SMC2: variants seen among roughly 807,000 people sequenced by gnomAD.
SMC2 encodes the protein structural maintenance of chromosomes protein 2.
Under a neutral mutation model 142.6 loss-of-function variants are expected in SMC2, and 41 were observed. That is an observed-to-expected ratio of 0.29 (90% CI 0.22 to 0.37). SMC2 has a LOEUF of 0.37. SMC2 is among the 10% of genes least tolerant of loss of function. The probability of loss-of-function intolerance (pLI) is 1.00; values close to 1 mark genes in which losing one functional copy is unlikely to be tolerated. For synonymous variants in SMC2, 463 were observed against 457.5 expected (o/e 1.01, Z -0.15); for missense variants, 1,265 against 1,373.7 (o/e 0.92, Z 1.25).
intron 16 of SMC2, among the ~76,000 whole-genome samples, chr9:104,121,573 T>G (rs1244529559): frequency 6.6e-6 from 1 of 152,224 alleles, no homozygotes; most frequent in East Asian, 1.9e-4. Context: ...AGGGACTGAT[T>G]TAAAAAGATT....
At chr9:104,096,014 A>C (rs1260073817) in intron 2 of SMC2, 134 bp from the exon 3 acceptor site, 44 of 703,984 alleles carry the variant, frequency 6.3e-5, no homozygotes, top group Non-Finnish European at 9.9e-5. Flanking sequence ...TTGCCAGAGG[A>C]TGCAGCTGCC....
Position 104,134,351 on chromosome 9 carries a change from A to G in SMC2, c.3109-64A>G, listed in dbSNP as rs993612255. On this transcript the variant is annotated intron_variant, in intron 22 of 24. Transcript: ENST00000374793. ...GACCTGCTGTGTTGCATATACATATATCAACAATTGATTCTTCTTGGAAAG... is the reference window on the plus strand; with the variant it reads ...GACCTGCTGTGTTGCATATACATATGTCAACAATTGATTCTTCTTGGAAAG... 3.9e-6 allele frequency: 5 copies of G among 1,275,944 alleles called. No individual in the cohort carries two copies. The African/African-American group carries it at 7.6e-5, about 19-fold the overall frequency. The allele number at this position is 1,275,944 out of a possible 1,614,324, so 79.0% of individuals were successfully genotyped here. A position where few individuals can be genotyped will look rare whatever the true frequency, so the allele number is the denominator to read the frequency against.
chr9:104,116,728 C>T (rs1282471959), intron 14 of SMC2, among the ~76,000 whole-genome samples: 1 of 152,158 alleles, frequency 6.6e-6, no homozygotes, highest in Non-Finnish European at 1.5e-5. Flanking sequence ...ATTAGTATTG[C>T]AGTGATGCTT....
intron 8 of SMC2, 106 bp downstream of exon 8, chr9:104,102,299 T>G (rs779703223): frequency 1.6e-5 from 17 of 1,093,140 alleles, no homozygotes; most frequent in Non-Finnish European, 2.2e-5. Flanking sequence ...CGTATTGATT[T>G]GTTAATCTTA....
At chr9:104,114,472 TTACTACATTGAAACA>T (rs1490510706) in intron 12 of SMC2, among the ~76,000 whole-genome samples, 3 of 152,342 alleles carry the variant, frequency 2.0e-5, no homozygotes, top group Admixed American at 6.5e-5. Context: ...AGAGTTGTTC[TTACTACATTGAAACA>T]TACTGAAAGA....
intron 24 of SMC2, among the ~76,000 whole-genome samples, chr9:104,138,753 G>A (rs1483851341): frequency 2.0e-5 from 3 of 152,144 alleles, no homozygotes; most frequent in African/African-American, 7.2e-5. Flanking sequence ...ATTGAATGGG[G>A]CGGCGGGGCA....
intron 9 of SMC2, among the ~76,000 whole-genome samples, chr9:104,102,914 T>C (rs1333186462): frequency 6.6e-6 from 1 of 152,116 alleles, no homozygotes; most frequent in Admixed American, 6.5e-5. Flanking sequence ...AAGTGGAGAA[T>C]AGGAAGAACG....
rs529354304 is a variant in SMC2, at chr9:104,094,856, T to G, written c.-62+379T>G. 157 of 168,106 alleles carry G rather than the reference T, an allele frequency of 9.3e-4. 1 individual carries two copies. The highest frequency in any genetic ancestry group is 3.7e-3 in the African/African-American group (153 of 41,630). The allele number at this position is 168,106 out of a possible 1,614,324, so 10.4% of individuals were successfully genotyped here. Reference sequence around the variant, plus strand: ...ACAGACAAGTAATGACCGTCTAATATCAGCTTTAAGTACCATGAAGGAAAA... The same window carrying G: ...ACAGACAAGTAATGACCGTCTAATAGCAGCTTTAAGTACCATGAAGGAAAA... On this transcript the variant is annotated intron_variant, in intron 1 of 24. Transcript: ENST00000374793.
At chr9:104,109,788 A>C (rs1832223889) in intron 9 of SMC2, among the ~76,000 whole-genome samples, 1 of 152,190 alleles carries the variant, frequency 6.6e-6, no homozygotes, top group Admixed American at 6.5e-5. Context: ...AAATGCACAA[A>C]ATATATTTAG....
chr9:104,099,938 T>C (rs1830923437), intron 5 of SMC2, among the ~76,000 whole-genome samples, 155 bp from the exon 6 acceptor site: 1 of 152,084 alleles, frequency 6.6e-6, no homozygotes, highest in African/African-American at 2.4e-5. Context: ...AGGAAAAGGT[T>C]TGTGTGAAAT....
intron 4 of SMC2, 47 bp downstream of exon 4, chr9:104,098,615 T>C (rs769575161): frequency 2.6e-6 from 4 of 1,548,398 alleles, no homozygotes; most frequent in Non-Finnish European, 3.5e-6. Context: ...AGTTTCGACA[T>C]TTTTTACTTT....
At chr9:104,123,075 C>T in intron 16 of SMC2, 33 bp from the exon 17 acceptor site, 3 of 1,578,176 alleles carry the variant, frequency 1.9e-6, no homozygotes, top group Non-Finnish European at 2.6e-6. Flanking sequence ...AGAAAAATGA[C>T]AGTCATTTCT....
intron 11 of SMC2, among the ~76,000 whole-genome samples, 176 bp downstream of exon 11, chr9:104,113,651 G>A (rs1832747459): frequency 6.6e-6 from 1 of 152,030 alleles, no homozygotes; most frequent in Admixed American, 6.5e-5. Flanking sequence ...AACAACTCTT[G>A]AATTTTTGAG....
intron 24 of SMC2, among the ~76,000 whole-genome samples, chr9:104,138,627 T>G (rs972416678): frequency 6.6e-6 from 1 of 152,216 alleles, no homozygotes; most frequent in Non-Finnish European, 1.5e-5. Flanking sequence ...ACTATTGCTG[T>G]AGGAGCTGGG....
Position 104,102,163 on chromosome 9 carries a change from A to T in SMC2, c.840A>T (p.Glu280Asp). The T allele has an allele frequency of 6.4e-7, 1 of 1,563,890 alleles. No homozygotes were observed. The highest frequency in any genetic ancestry group is 8.8e-7 in the Non-Finnish European group (1 of 1,140,942). Residue 280 changes from glutamate (E) to aspartate (D), a missense_variant, in exon 8 of 25, where the codon GAA (glutamate) becomes GAT (aspartate). By Grantham distance (45) the Glu-to-Asp change is conservative. Around this residue, in one of 4 missense-constraint regions of SMC2, gnomAD observed 898 missense variants for 904.2 expected, o/e 0.99. Coordinates refer to ENST00000374793, the MANE Select transcript of SMC2 (RefSeq NM_006444.3). ...AAAAAATAAAAGCACTTAATCATGA[A>T]ATAGAAGAATTGGAAAAAAGAAAAG... ...NDKKIKALNH[E>D]IEELEKRKDK...
At chr9:104,115,026 A>G (rs760178669) in intron 13 of SMC2, among the ~76,000 whole-genome samples, 197 bp downstream of exon 13, 5 of 152,148 alleles carry the variant, frequency 3.3e-5, no homozygotes, top group Admixed American at 6.5e-5. Flanking sequence ...CTCAGAATGC[A>G]TATTACCAAT....
chr9:104,091,129 C>T (rs576566881), upstream of SMC2, among the ~76,000 whole-genome samples: 32 of 152,192 alleles, frequency 2.1e-4, no homozygotes, highest in Admixed American at 4.6e-4. Flanking sequence ...AATAATATGG[C>T]GTTAGAAATA....
chr9:104,102,694 T>G, intron 9 of SMC2, 121 bp downstream of exon 9: 3 of 1,039,828 alleles, frequency 2.9e-6, no homozygotes, highest in East Asian at 5.8e-5. Context: ...TACAGTTGTT[T>G]GGGCTGTGGT....
intron 9 of SMC2, among the ~76,000 whole-genome samples, chr9:104,103,320 GA>G (rs1831374911): frequency 2.0e-5 from 3 of 152,084 alleles, no homozygotes; most frequent in Non-Finnish European, 4.4e-5. Context: ...AATGAAGGCA[GA>G]AAAAAGAAAA....
Sources: allele counts gnomAD v4.1 joint callset (sites outside exome capture counted in the v4.1 genomes callset), GRCh38; gene constraint gnomAD v4.1.1; regional missense constraint gnomAD v4.1.1; transcripts MANE v1.5; gene names NCBI Gene and HGNC (gene_info 2026-07-23, HGNC 2026-07-21).